DLG2: variants seen among roughly 807,000 people sequenced by gnomAD.
The protein encoded by DLG2 is discs large MAGUK scaffold protein 2.
A neutral mutation model predicts 132.5 loss-of-function variants in DLG2; 45 were observed. The ratio of observed to expected loss-of-function variants is 0.34; its 90% confidence interval spans 0.27 to 0.44. The LOEUF (loss-of-function observed/expected upper bound fraction) is 0.44, where lower values mean the gene tolerates loss of function less well. Ranked by LOEUF, DLG2 falls within the 20% of genes least tolerant of loss-of-function variation. DLG2 has a pLI of 1.00. For synonymous variants in DLG2, 424 were observed against 419.6 expected, an observed-to-expected ratio of 1.01 and a Z score of -0.13; for missense variants, 1,045 against 1,196.9, an observed-to-expected ratio of 0.87 and a Z score of 1.87.
intron 4 of DLG2, among the ~76,000 whole-genome samples, chr11:85,278,685 T>A (rs2078046189): frequency 6.6e-6 from 1 of 152,148 alleles, no homozygotes; most frequent in African/African-American, 2.4e-5. Flanking sequence ...CACATAGTTT[T>A]CTCCACCTGC....
chr11:84,182,799 A>G (rs1344205291), intron 8 of DLG2, among the ~76,000 whole-genome samples: 1 of 152,180 alleles, frequency 6.6e-6, no homozygotes, highest in Non-Finnish European at 1.5e-5. Context: ...GAAAATCAAC[A>G]AAATATTGGC....
At chr11:83,896,792 T>C (rs2071838487) in intron 15 of DLG2, among the ~76,000 whole-genome samples, 1 of 152,214 alleles carries the variant, frequency 6.6e-6, no homozygotes, top group South Asian at 2.1e-4. Context: ...GTAAAGTTAC[T>C]AAGCATTATT....
intron 6 of DLG2, chr11:84,923,058 C>T: frequency 6.2e-7 from 1 of 1,613,894 alleles, no homozygotes; most frequent in Non-Finnish European, 8.5e-7. Flanking sequence ...TGCCCAGTTG[C>T]CGGCTCGCCT....
rs543008738 is a variant in DLG2, at chr11:84,084,766, G to T, written c.749+14157C>A. On this transcript the variant is annotated intron_variant, in intron 10 of 27. Transcript: ENST00000376104. Reference sequence around the variant, plus strand: ...GATACATAATGATTGTACATTTTCTGGGATATAGTTTAAAGAGAATCCCTC... The same window carrying T: ...GATACATAATGATTGTACATTTTCTTGGATATAGTTTAAAGAGAATCCCTC... Among the ~76,000 whole-genome samples, 9 of 152,136 alleles carry T rather than the reference G, an allele frequency of 5.9e-5. No individual in the cohort carries two copies. The East Asian group carries it at 1.5e-3, about 26-fold the overall frequency.
chr11:83,892,490 G>T (rs1212479609), intron 15 of DLG2, among the ~76,000 whole-genome samples: 1 of 152,088 alleles, frequency 6.6e-6, no homozygotes, highest in Non-Finnish European at 1.5e-5. Context: ...AAAATGTTTT[G>T]TCTTTGGATC....
chr11:84,437,055 A>T (rs2099002921), intron 7 of DLG2, among the ~76,000 whole-genome samples: 1 of 152,202 alleles, frequency 6.6e-6, no homozygotes, highest in African/African-American at 2.4e-5. Context: ...TTTACTAGAG[A>T]GCTCTCTGAA....
intron 6 of DLG2, among the ~76,000 whole-genome samples, chr11:84,986,402 T>C (rs955681976): frequency 1.3e-5 from 2 of 151,972 alleles, no homozygotes; most frequent in Admixed American, 1.3e-4. Flanking sequence ...TTCCACAAGA[T>C]AGAGAAAGAG....
chr11:83,896,455 A>G (rs1264981868), intron 15 of DLG2, among the ~76,000 whole-genome samples: 1 of 152,234 alleles, frequency 6.6e-6, no homozygotes, highest in African/African-American at 2.4e-5. Context: ...CACTGTTATT[A>G]CAGTCAAATG....
intron 7 of DLG2, among the ~76,000 whole-genome samples, chr11:84,455,298 C>A (rs2099062462): frequency 6.6e-6 from 1 of 151,394 alleles, no homozygotes; most frequent in Non-Finnish European, 1.5e-5. Flanking sequence ...GTGTGGCCTG[C>A]ATTGCAAGTA....
At chr11:84,769,156 A>G (rs1247462773) in intron 6 of DLG2, among the ~76,000 whole-genome samples, 1 of 152,182 alleles carries the variant, frequency 6.6e-6, no homozygotes, top group Non-Finnish European at 1.5e-5. Context: ...GGAAATTCAG[A>G]AATGACAGAT....
chr11:83,632,734 G>T (rs2063784414), intron 19 of DLG2: 1 of 152,678 alleles, frequency 6.5e-6, no homozygotes, highest in Non-Finnish European at 1.5e-5. Flanking sequence ...AAGTCTTTCT[G>T]CCAAAACTTG....
chr11:84,320,166 C>T (rs1381021561), intron 7 of DLG2, among the ~76,000 whole-genome samples: 3 of 152,188 alleles, frequency 2.0e-5, no homozygotes, highest in Admixed American at 1.3e-4. Context: ...AGATGGTGCA[C>T]AGAGCAATGC....
At chr11:83,577,588 C>A (rs867154041) in intron 19 of DLG2, among the ~76,000 whole-genome samples, 26 of 37,566 alleles carry the variant, frequency 6.9e-4, no homozygotes, top group South Asian at 1.7e-3. Context: ...ATATATATAT[C>A]CTATTTATAA....
chr11:84,257,861 A>T (rs958137160), intron 7 of DLG2, among the ~76,000 whole-genome samples: 31 of 151,314 alleles, frequency 2.0e-4, no homozygotes, highest in Admixed American at 2.0e-3. Flanking sequence ...TAATTTTTGT[A>T]TTTTTTATAG....
chr11:85,377,825 A>G (rs970674860), intron 3 of DLG2, among the ~76,000 whole-genome samples: 42 of 137,488 alleles, frequency 3.1e-4, no homozygotes, highest in Non-Finnish European at 6.1e-4. Context: ...GTGTGTGTGT[A>G]TACATATATA....
At chr11:84,192,437 T>C (rs1011710774) in intron 8 of DLG2, among the ~76,000 whole-genome samples, 1 of 152,090 alleles carries the variant, frequency 6.6e-6, no homozygotes, top group African/African-American at 2.4e-5. Flanking sequence ...TCAGAAGAGA[T>C]TGGCAAAGAA....
rs1175597851 is a variant in DLG2 at position 83,520,718 on chromosome 11, GATAGATAGAT to G, written c.2193+11980_2193+11989del. 3.1e-3 allele frequency among the ~76,000 whole-genome samples: 477 copies of G among 151,448 alleles called. 3 individuals are homozygous for G. The highest frequency in any genetic ancestry group is 0.011 in the African/African-American group (446 of 40,846). ...AGGTAGATAGATAGATAGATAGATA[GATAGATAGAT>G]AGATAGATAGAGTGGGCTACACATG... On this transcript the variant is annotated intron_variant, in intron 21 of 27. Coordinates refer to ENST00000376104, the MANE Select transcript of DLG2 (RefSeq NM_001142699.3).
At chr11:85,235,152 G>C (rs1266983124) in intron 4 of DLG2, among the ~76,000 whole-genome samples, 1 of 151,972 alleles carries the variant, frequency 6.6e-6, no homozygotes, top group East Asian at 1.9e-4. Context: ...CCAGCAAACA[G>C]ATGAAGAGAA....
intron 6 of DLG2, among the ~76,000 whole-genome samples, chr11:84,592,568 TC>T (rs1232887786): frequency 1.3e-5 from 2 of 151,962 alleles, no homozygotes; most frequent in Non-Finnish European, 2.9e-5. Flanking sequence ...AATCTATCCA[TC>T]TGACAAAGGG....
Sources: gnomAD v4.1 joint callset for allele counts (sites outside exome capture counted in the v4.1 genomes callset) on GRCh38, gnomAD v4.1.1 for gene constraint, MANE v1.5 for transcripts, NCBI Gene and HGNC (gene_info 2026-07-23, HGNC 2026-07-21) for gene names.